The following EVPL variants were observed in gnomAD, a reference collection of about 807,000 sequenced individuals.
EVPL encodes envoplakin.
EVPL carries 94 observed loss-of-function variants against 129.7 expected under a neutral mutation model. That is an observed-to-expected ratio of 0.72 (90% CI 0.61 to 0.86). The LOEUF (loss-of-function observed/expected upper bound fraction) is 0.86. Ranked by LOEUF, EVPL falls within the 40% of genes least tolerant of loss-of-function variation. EVPL has a pLI of 0.00. For synonymous variants in EVPL, 1,172 were observed against 1,191.1 expected (o/e 0.98, Z 0.33); for missense variants, 2,625 against 2,721.1 (o/e 0.96, Z 0.79).
chr17:76,007,939 G>T lies in EVPL; in HGVS notation c.5266C>A (p.Arg1756=), dbSNP rs760402435. The T allele has an allele frequency of 6.2e-7, 1 of 1,614,082 alleles. No individual in the cohort carries two copies. Among genetic ancestry groups the T allele is most frequent in the Non-Finnish European group, 8.5e-7 (1 of 1,180,028 alleles). ...QYSIEAALRC[R]RISKEEYHLY... ...TGGTACTCCTCCTTAGAGATGCGCC[G>T]GCAGCGGAGGGCGGCCTCGATGGAG... Residue 1756 remains arginine (R), a synonymous_variant, in exon 22 of 22, where the codon CGG becomes AGG. Coordinates refer to ENST00000301607, the MANE Select transcript of EVPL (RefSeq NM_001988.4). This position sits in a 1 kb window ranked among gnomAD's most constrained non-coding sequence, Gnocchi z 8.8.
chr17:76,017,567 G>C (rs1294072371), intron 14 of EVPL, among the ~76,000 whole-genome samples, 172 bp downstream of exon 14: 2 of 152,294 alleles, frequency 1.3e-5, no homozygotes, highest in Middle Eastern at 3.4e-3. Flanking sequence ...TCCTGGAGCT[G>C]GTCAGTGGAG....
In EVPL at chr17:76,013,226, G is replaced by T. The variant is rs1320809132; in HGVS notation, c.2374-1137C>A. 6.6e-6 allele frequency among the ~76,000 whole-genome samples: 1 copy of T among 152,146 alleles called. No individual in the cohort carries two copies. The highest frequency in any genetic ancestry group is 1.5e-5 in the Non-Finnish European group (1 of 68,022). On this transcript the variant is annotated intron_variant, in intron 18 of 21. Transcript: ENST00000301607. This position sits in a 1 kb window ranked among gnomAD's most constrained non-coding sequence, Gnocchi z 4.3. ...GTCTGGGGAGGGGTCCTGGCCTGGG[G>T]ATGTTTTAAAAGCTCTCTGGGAGAT...
At chr17:76,011,543 A>G (rs1220354762) in intron 21 of EVPL, 33 bp downstream of exon 21, 1 of 1,576,294 alleles carries the variant, frequency 6.3e-7, no homozygotes, top group South Asian at 1.1e-5. Flanking sequence ...ATTCCTGGCT[A>G]TTGTGGGAAA....
chr17:76,007,912 G>A lies in EVPL; in HGVS notation c.5293C>T (p.Leu1765=). The change falls in exon 22 of 22, where the codon CTG becomes TTG. Residue 1765 remains leucine (L), a synonymous_variant. Coordinates refer to ENST00000301607, the MANE Select transcript of EVPL (RefSeq NM_001988.4). This position sits in a 1 kb window ranked among gnomAD's most constrained non-coding sequence, Gnocchi z 8.8. ...CRRISKEEYH[L]YKDGHLPISE... ...ATGGGCAGGTGGCCGTCCTTGTACA[G>A]ATGGTACTCCTCCTTAGAGATGCGC... 1.2e-6 allele frequency: 2 copies of A among 1,614,130 alleles called. No individual in the cohort carries two copies. Among genetic ancestry groups the A allele is most frequent in the Admixed American group, 3.3e-5 (2 of 60,020 alleles).
In EVPL at chr17:76,014,450, G is replaced by C. The variant is rs372817316; in HGVS notation, c.2349C>G (p.Ile783Met). 3.1e-6 allele frequency: 5 copies of C among 1,610,522 alleles called. No individual in the cohort carries two copies. Among genetic ancestry groups the C allele is most frequent in the Admixed American group, 1.7e-5 (1 of 59,538 alleles). ...CCTTCTGCGCCTGCAGCTTGTAGGC[G>C]ATCTGGCTGGGGCCGTCGCTGGGCC... Reference protein sequence around the residue: ...QVRPSDGPSQIAYKLQAQKRL... With the variant: ...QVRPSDGPSQMAYKLQAQKRL... Residue 783 changes from isoleucine (I) to methionine (M), a missense_variant, in exon 18 of 22, where the codon ATC becomes ATG. Physicochemically the swap from Ile to Met is conservative, Grantham distance 10. Around this residue, in one of 4 missense-constraint regions of EVPL, gnomAD observed 1,024 missense variants for 997.5 expected, o/e 1.03. Coordinates refer to ENST00000301607, the MANE Select transcript of EVPL (RefSeq NM_001988.4).
Position 76,015,233 on chromosome 17 carries a change from C to A in EVPL, c.2022G>T (p.Glu674Asp). 6.3e-7 allele frequency: 1 copy of A among 1,591,548 alleles called. No homozygotes were observed. Among genetic ancestry groups the A allele is most frequent in the Non-Finnish European group, 8.5e-7 (1 of 1,172,666 alleles). ...GCCCCGGCTGGTCCCTTACCTGCAG[C>A]TCGCTGACCCTCTCCTGCAGAGCCC... ...EPGALQERVSELQRQRRELLE... is the reference protein window; with the variant it reads ...EPGALQERVSDLQRQRRELLE... Residue 674 changes from glutamate (E) to aspartate (D), a missense_variant, in exon 16 of 22, where the codon GAG (glutamate) becomes GAT (aspartate). Around this residue, in one of 4 missense-constraint regions of EVPL, gnomAD observed 1,024 missense variants for 997.5 expected, o/e 1.03. Coordinates refer to ENST00000301607, the MANE Select transcript of EVPL (RefSeq NM_001988.4).
In EVPL at chr17:76,007,651, G is replaced by T. The variant is rs781591476; in HGVS notation, c.5554C>A (p.Pro1852Thr). 6.2e-7 allele frequency: 1 copy of T among 1,613,850 alleles called. No homozygotes were observed. The highest frequency in any genetic ancestry group is 1.1e-5 in the South Asian group (1 of 91,088). ...KTAVAKNMLD[P>T]ITGQKLLEAQ... ...TCCAGTAGCTTCTGCCCAGTGATGGGGTCCAGCATGTTCTTGGCCACGGCC... is the reference window on the plus strand; with the variant it reads ...TCCAGTAGCTTCTGCCCAGTGATGGTGTCCAGCATGTTCTTGGCCACGGCC... The change falls in exon 22 of 22, where the codon CCC (proline) becomes ACC (threonine). Residue 1852 changes from proline (P) to threonine (T), a missense_variant. This residue lies in a region of EVPL where 1,453 missense variants were observed against 1,511.8 expected (regional missense o/e 0.96). Coordinates refer to ENST00000301607, the MANE Select transcript of EVPL (RefSeq NM_001988.4). The surrounding 1 kb of genome is among the most constrained non-coding windows in gnomAD (Gnocchi z 8.8).
In EVPL at chr17:76,008,866, G is replaced by T; in HGVS notation, c.4339C>A (p.Gln1447Lys). Residue 1447 changes from glutamine to lysine, a missense_variant, in exon 22 of 22, where the codon CAG (glutamine) becomes AAG (lysine). Physicochemically the swap from Gln to Lys is moderately conservative, Grantham distance 53. Transcript: ENST00000301607. This position sits in a 1 kb window ranked among gnomAD's most constrained non-coding sequence, Gnocchi z 7.4. ...RELRQLTLRI[Q>K]ELEKRPPTVQ... is the part of the protein sequence containing the mutation. ...GTGGGAGGCCGCTTCTCGAGCTCCT[G>T]GATCCTCAAGGTCAGCTGCCGCAGC... 1.2e-6 allele frequency: 2 copies of T among 1,613,928 alleles called. No homozygotes were observed. The highest frequency in any genetic ancestry group is 1.7e-6 in the Non-Finnish European group (2 of 1,180,016).
At position 76,007,570 on chromosome 17, in the gene EVPL, C is replaced by T. The variant is rs1188227943; in HGVS notation, c.5635G>A (p.Val1879Met). Residue 1879 changes from valine (V) to methionine (M), a missense_variant, in exon 22 of 22, where the codon GTG becomes ATG. Transcript: ENST00000301607. The surrounding 1 kb of genome is among the most constrained non-coding windows in gnomAD (Gnocchi z 8.8). ...AGGCCCCTCTCCATCGCCTTGTGCA[C>T]AGAGTAGCGCTCACGGCTGAGCAGG... Reference protein sequence around the residue: ...VDLLSRERYSVHKAMERGLIE... With the variant: ...VDLLSRERYSMHKAMERGLIE... 1.9e-6 allele frequency: 3 copies of T among 1,614,068 alleles called. No homozygotes were observed. Among genetic ancestry groups the T allele is most frequent in the Non-Finnish European group, 2.5e-6 (3 of 1,180,044 alleles).
Position 76,007,301 on chromosome 17 carries a change from C to T in EVPL, c.5904G>A (p.Leu1968=), listed in dbSNP as rs751741931. 6.4e-7 allele frequency: 1 copy of T among 1,553,104 alleles called. No individual in the cohort carries two copies. Among genetic ancestry groups the T allele is most frequent in the South Asian group, 1.2e-5 (1 of 83,456 alleles). ...ALLSGMISEE[L]AQLLQDESSY... ...TGGACTCGTCCTGCAGGAGCTGGGCCAGCTCTTCACTGATCATCCCGGAGA... is the reference window on the plus strand; with the variant it reads ...TGGACTCGTCCTGCAGGAGCTGGGCTAGCTCTTCACTGATCATCCCGGAGA... Residue 1968 remains leucine, a synonymous_variant, in exon 22 of 22, where the codon CTG becomes CTA. Coordinates refer to ENST00000301607, the MANE Select transcript of EVPL (RefSeq NM_001988.4). The surrounding 1 kb of genome is among the most constrained non-coding windows in gnomAD (Gnocchi z 8.8).
In EVPL at chr17:76,021,469, C is replaced by G. The variant is rs770746940; in HGVS notation, c.1010G>C (p.Arg337Pro). ...TQLQHVEDYR[R>P]FQEEADSVSQ... is the part of the protein sequence containing the mutation. ...CCTGCCGCCTGCCCGAGGGCTCACC[C>G]GGCGGTAGTCCTCCACGTGCTGCAG... The change falls in exon 9 of 22, where the codon CGG becomes CCG. Residue 337 changes from arginine to proline, a missense_variant and splice_region_variant. By Grantham distance (103) the Arg-to-Pro change is moderately radical. Coordinates refer to ENST00000301607, the MANE Select transcript of EVPL (RefSeq NM_001988.4). 6.2e-7 allele frequency: 1 copy of G among 1,606,702 alleles called. No homozygotes were observed. The highest frequency in any genetic ancestry group is 8.5e-7 in the Non-Finnish European group (1 of 1,177,572).
At chr17:76,026,592 C>G (rs1196095784) in intron 1 of EVPL, among the ~76,000 whole-genome samples, 4 of 152,136 alleles carry the variant, frequency 2.6e-5, no homozygotes, top group Admixed American at 1.3e-4. Flanking sequence ...CAGGAGGCAG[C>G]ACAGCCCCTG....
At position 76,024,467 on chromosome 17, in the gene EVPL, G is replaced by A. The variant is rs1172315743; in HGVS notation, c.99-347C>T. 6.6e-6 allele frequency among the ~76,000 whole-genome samples: 1 copy of A among 152,100 alleles called. No homozygotes were observed. The highest frequency in any genetic ancestry group is 1.5e-5 in the Non-Finnish European group (1 of 67,990). On this transcript the variant is annotated intron_variant, in intron 1 of 21. Transcript: ENST00000301607. The surrounding 1 kb of genome is among the most constrained non-coding windows in gnomAD (Gnocchi z 4.5). ...TCCCTCCCCGAGCCAGTGAATCACC[G>A]GCTCAGCCACTAGCACCTGAGCCAG...
In EVPL at chr17:76,010,238, C is replaced by T. The variant is rs1429717680; in HGVS notation, c.2967G>A (p.Leu989=). 2 of 1,613,920 alleles carry T rather than the reference C, an allele frequency of 1.2e-6. No homozygotes were observed. The highest frequency in any genetic ancestry group is 8.5e-7 in the Non-Finnish European group (1 of 1,180,030). Residue 989 remains leucine (L), a synonymous_variant, in exon 22 of 22, where the codon CTG becomes CTA. Transcript: ENST00000301607. The part of the protein sequence containing the change: ...VEEEGKRRAG[L]QADLEVAAQK... ...GGGCTGCCACTTCCAGGTCTGCCTG[C>T]AGGCCAGCCCGCCGCTTGCCCTCCT...
rs77308818 is a variant in EVPL, at chr17:76,014,758, C to T, written c.2222+158G>A. Among the ~76,000 whole-genome samples the T allele has an allele frequency of 5.2e-3, 788 of 152,296 alleles. 4 individuals are homozygous for T. The highest frequency in any genetic ancestry group is 7.8e-3 in the Non-Finnish European group (527 of 67,994). ...GAGATGGGACAGTCTCTACCAGGCA[C>T]CACCCTGGGAGGTAAGTGCTGTTGT... On this transcript the variant is annotated intron_variant, in intron 17 of 21. Coordinates refer to ENST00000301607, the MANE Select transcript of EVPL (RefSeq NM_001988.4).
chr17:76,015,328 C>A lies in EVPL; in HGVS notation c.1927G>T (p.Asp643Tyr), dbSNP rs773487255. 2 of 1,603,808 alleles carry A rather than the reference C, an allele frequency of 1.2e-6. No individual in the cohort carries two copies. The highest frequency in any genetic ancestry group is 2.2e-5 in the South Asian group (2 of 90,766). ...AAGCCTCGGATGACCCTGTCCGCAT[C>A]CTGGATCTGCCGCTCCAGATCCAGG... ...AALDLERQIQ[D>Y]ADRVIRGFEA... Residue 643 changes from aspartate to tyrosine, a missense_variant, in exon 16 of 22, where the codon GAT (aspartate) becomes TAT (tyrosine). This residue lies in a region of EVPL where 1,024 missense variants were observed against 997.5 expected (regional missense o/e 1.03). Transcript: ENST00000301607.
intron 4 of EVPL, among the ~76,000 whole-genome samples, chr17:76,023,058 T>C (rs1434364079): frequency 6.6e-6 from 1 of 152,082 alleles, no homozygotes; most frequent in East Asian, 1.9e-4. Context: ...AATTGTCCTC[T>C]CCTCACTACT....
In EVPL at chr17:76,027,128, G is replaced by A. The variant is rs1463570796; in HGVS notation, c.71C>T (p.Pro24Leu). Residue 24 changes from proline (P) to leucine (L), a missense_variant, in exon 1 of 22, where the codon CCC becomes CTC. Physicochemically the swap from Pro to Leu is moderately conservative, Grantham distance 98. Around this residue, in one of 4 missense-constraint regions of EVPL, gnomAD observed 139 missense variants for 186.8 expected, o/e 0.74. Transcript: ENST00000301607. ...GCTGTGCCTGCTGGGGGAGCCTTTGGGGGACCCCTTGGCGGGGGAGCCCTT... is the reference window on the plus strand; with the variant it reads ...GCTGTGCCTGCTGGGGGAGCCTTTGAGGGACCCCTTGGCGGGGGAGCCCTT... ...SPKGSPAKGS[P>L]KGSPSRHSRA... The A allele has an allele frequency of 1.3e-6, 2 of 1,536,036 alleles. No individual in the cohort carries two copies. Among genetic ancestry groups the A allele is most frequent in the Admixed American group, 4.4e-5 (2 of 45,270 alleles).
chr17:76,019,526 A>C lies in EVPL; in HGVS notation c.1137+2T>G, dbSNP rs1464079846. On this transcript the variant is annotated splice_donor_variant, in intron 10 of 21. Coordinates refer to ENST00000301607, the MANE Select transcript of EVPL (RefSeq NM_001988.4). LOFTEE classifies it high-confidence loss of function. The stretch of plus-strand genomic sequence containing the variant: ...GCAGACGGCCTGGTGGGGTTGTCTC[A>C]CCTCCAGCTGTTGCAGCAGCTCTGT... 18 of 1,551,020 alleles carry C rather than the reference A, an allele frequency of 1.2e-5. No homozygotes were observed. Among genetic ancestry groups the C allele is most frequent in the Non-Finnish European group, 1.5e-5 (17 of 1,154,826 alleles).
Sources: allele counts gnomAD v4.1 joint callset (sites outside exome capture counted in the v4.1 genomes callset), GRCh38; gene constraint gnomAD v4.1.1; regional missense constraint gnomAD v4.1.1; non-coding constraint Gnocchi (gnomAD v3.1); transcripts MANE v1.5; gene names NCBI Gene and HGNC (gene_info 2026-07-23, HGNC 2026-07-21).